The following CEP128 variants were observed in gnomAD, a reference collection of about 807,000 sequenced individuals.
CEP128 encodes the protein centrosomal protein 128kDa.
Under a neutral mutation model 156.7 loss-of-function variants are expected in CEP128, and 132 were observed. The observed-to-expected ratio is 0.84, with a 90% CI of 0.73 to 0.97. The LOEUF (loss-of-function observed/expected upper bound fraction) is 0.97, where lower values mean the gene tolerates loss of function less well. Among genes scored for constraint, CEP128 ranks in the 50% least tolerant of loss-of-function variants. The pLI is 0.00. For synonymous variants in CEP128, 469 were observed against 448.9 expected (o/e 1.04, Z -0.57); for missense variants, 1,252 against 1,281.9 (o/e 0.98, Z 0.36).
chr14:80,876,694 A>AG (rs34982244), intron 8 of CEP128, among the ~76,000 whole-genome samples: 6 of 112,548 alleles, frequency 5.3e-5, no homozygotes, highest in South Asian at 3.1e-4. Context: ...TACAGAATAG[A>AG]GGGAAAATGG....
At chr14:80,676,709 CTTAAT>C (rs1896077335) in intron 19 of CEP128, among the ~76,000 whole-genome samples, 2 of 152,036 alleles carry the variant, frequency 1.3e-5, no homozygotes, top group African/African-American at 4.8e-5. Flanking sequence ...TAAAAATTCC[CTTAAT>C]TTATTAAGAT....
At chr14:80,951,069 C>A (rs763042925) in intron 2 of CEP128, among the ~76,000 whole-genome samples, 5 of 152,004 alleles carry the variant, frequency 3.3e-5, no homozygotes, top group Non-Finnish European at 7.4e-5. Context: ...GTGATGATAT[C>A]CTTTTTTAAA....
intron 23 of CEP128, among the ~76,000 whole-genome samples, chr14:80,511,974 A>G (rs1027520723): frequency 3.3e-5 from 5 of 152,068 alleles, no homozygotes; most frequent in Admixed American, 1.3e-4. Context: ...ATTTTTAAAG[A>G]ACTGTTTTGT....
At chr14:80,481,593 C>G (rs1290605932) in intron 14 of CEP128, among the ~76,000 whole-genome samples, 1 of 152,212 alleles carries the variant, frequency 6.6e-6, no homozygotes, top group African/African-American at 2.4e-5. Context: ...TATACTTCAA[C>G]AGTATATTCA....
chr14:80,559,330 T>G, intron 20 of CEP128, 28 bp from the exon 21 acceptor site: 1 of 1,571,334 alleles, frequency 6.4e-7, no homozygotes, highest in Non-Finnish European at 8.6e-7. Flanking sequence ...TATATAATTA[T>G]AAAACGAAGG....
intron 18 of CEP128, among the ~76,000 whole-genome samples, chr14:80,746,582 A>T (rs999984531): frequency 6.6e-5 from 10 of 152,188 alleles, no homozygotes; most frequent in Non-Finnish European, 1.2e-4. Flanking sequence ...ATATACAAAA[A>T]CTAATTCAAA....
chr14:80,899,968 T>C lies in CEP128; in HGVS notation c.542A>G (p.Asp181Gly). Residue 181 changes from aspartate to glycine, a missense_variant, in exon 7 of 25, where the codon GAT (aspartate) becomes GGT (glycine). Physicochemically the swap from Asp to Gly is moderately conservative, Grantham distance 94 (BLOSUM62 -1). Coordinates refer to ENST00000555265, the MANE Select transcript of CEP128 (RefSeq NM_152446.5). ...LSSEQIRLGD[D>G]FNRELSRRSR... The stretch of plus-strand genomic sequence containing the variant: ...CCTTCTGGAAAGCTCCCTGTTGAAA[T>C]CATCTCCAAGGCGAATTTGTTCACT... 1.9e-6 allele frequency: 3 copies of C among 1,613,826 alleles called. No homozygotes were observed. The highest frequency in any genetic ancestry group is 2.5e-6 in the Non-Finnish European group (3 of 1,179,776).
intron 23 of CEP128, among the ~76,000 whole-genome samples, chr14:80,524,456 GCTGGCTCTT>G (rs1888888705): frequency 6.6e-6 from 1 of 152,106 alleles, no homozygotes; most frequent in African/African-American, 2.4e-5. Flanking sequence ...ATGTATCAGA[GCTGGCTCTT>G]CTGATTATCC....
rs34838656 is a variant in CEP128 at position 80,526,986 on chromosome 14, G to GAA, written c.2959-6_2959-5dup. On this transcript the variant is annotated splice_region_variant and splice_polypyrimidine_tract_variant and intron_variant, in intron 22 of 24. Coordinates refer to ENST00000555265, the MANE Select transcript of CEP128 (RefSeq NM_152446.5). Reference sequence around the variant, plus strand: ...TCTCAGATGAACTGCAGGAATCCTGGAAAAAAAAAAAAGCAAAGGGTCTGA... The same window carrying GAA: ...TCTCAGATGAACTGCAGGAATCCTGGAAAAAAAAAAAAAAGCAAAGGGTCTGA... 0.072 allele frequency: 68,623 copies of GAA among 948,352 alleles called. 4 individuals are homozygous for GAA. The highest frequency in any genetic ancestry group is 0.083 in the Non-Finnish European group (53,822 of 650,390). The allele number at this position is 948,352 out of a possible 1,614,324, so 58.7% of individuals were successfully genotyped here. A position where few individuals can be genotyped will look rare whatever the true frequency, so the allele number is the denominator to read the frequency against.
At chr14:80,838,163 T>C in intron 11 of CEP128, 41 bp downstream of exon 11, 1 of 1,362,128 alleles carries the variant, frequency 7.3e-7, no homozygotes, top group Non-Finnish European at 1.0e-6. Flanking sequence ...TCAATCCTGA[T>C]TTAATGTAAA....
chr14:80,811,765 GGTT>G (rs1304017497), intron 13 of CEP128, among the ~76,000 whole-genome samples: 1 of 150,264 alleles, frequency 6.7e-6, no homozygotes, highest in Non-Finnish European at 1.5e-5. Flanking sequence ...ACAGTCCTTT[GGTT>G]ATTATCTCTC....
At chr14:80,645,896 A>G (rs1266770086) in intron 19 of CEP128, among the ~76,000 whole-genome samples, 1 of 152,200 alleles carries the variant, frequency 6.6e-6, no homozygotes, top group East Asian at 1.9e-4. Context: ...CACTAAAAGA[A>G]TGAGCTATAA....
At chr14:80,727,665 A>C (rs1898071176) in intron 19 of CEP128, among the ~76,000 whole-genome samples, 1 of 152,206 alleles carries the variant, frequency 6.6e-6, no homozygotes, top group African/African-American at 2.4e-5. Context: ...AAGGAACTTA[A>C]ATCAACAAGC....
At chr14:80,674,551 A>G (rs1396741446) in intron 19 of CEP128, among the ~76,000 whole-genome samples, 7 of 152,158 alleles carry the variant, frequency 4.6e-5, no homozygotes, top group Non-Finnish European at 1.0e-4. Context: ...TCTTCTCCTT[A>G]TAAGAACATT....
intron 21 of CEP128, among the ~76,000 whole-genome samples, chr14:80,541,443 TAAAA>T (rs35523389): frequency 9.1e-6 from 1 of 109,958 alleles, no homozygotes; most frequent in Non-Finnish European, 1.8e-5. Flanking sequence ...ATGACTGTGT[TAAAA>T]AAAAAAAAAA....
chr14:80,564,796 C>T (rs1289485930), intron 20 of CEP128, among the ~76,000 whole-genome samples: 1 of 152,180 alleles, frequency 6.6e-6, no homozygotes, highest in Non-Finnish European at 1.5e-5. Context: ...CAGTGGCTCA[C>T]GCCTGTAATT....
At chr14:80,793,227 T>C (rs747630930) in intron 13 of CEP128, 117 bp from the exon 14 acceptor site, 3 of 704,230 alleles carry the variant, frequency 4.3e-6, no homozygotes, top group Non-Finnish European at 4.6e-6. Context: ...GTATTAAAAT[T>C]CATTAGCAAT....
rs1595518072 is a variant in CEP128, at chr14:80,865,297, T to TAC, written c.646-2425_646-2424insGT. On this transcript the variant is annotated intron_variant, in intron 8 of 24. Transcript: ENST00000555265. ...AAATTGAACAATATTCCATTGGGTG[T>TAC]ATATACGTGTGTATGTGTATTTCTT... 2.6e-5 allele frequency among the ~76,000 whole-genome samples: 4 copies of TAC among 152,354 alleles called. No individual in the cohort carries two copies. The East Asian group carries it at 5.8e-4, about 22-fold the overall frequency.
At chr14:80,736,167 T>C (rs547886899) in intron 19 of CEP128, among the ~76,000 whole-genome samples, 3 of 151,550 alleles carry the variant, frequency 2.0e-5, no homozygotes. Flanking sequence ...AGAAACGACC[T>C]CCCAGAAATC....
Sources: allele counts gnomAD v4.1 joint callset (sites outside exome capture counted in the v4.1 genomes callset), GRCh38; gene constraint gnomAD v4.1.1; transcripts MANE v1.5; gene names NCBI Gene and HGNC (gene_info 2026-07-23, HGNC 2026-07-21).